DGCR2: variants seen among roughly 807,000 people sequenced by gnomAD.
DGCR2 encodes integral membrane protein DGCR2/IDD.
Under a neutral mutation model 51.6 loss-of-function variants are expected in DGCR2, and 24 were observed. The observed-to-expected ratio is 0.47, with a 90% CI of 0.34 to 0.65. The LOEUF is 0.65. Among genes scored for constraint, DGCR2 ranks in the 30% least tolerant of loss-of-function variants. DGCR2 has a pLI of 0.01. For missense variants in DGCR2, 765 were observed against 772.1 expected (o/e 0.99, Z 0.11); for synonymous variants, 340 against 315.4 (o/e 1.08, Z -0.82).
intron 6 of DGCR2, among the ~76,000 whole-genome samples, chr22:19,053,930 G>A (rs1295358180): frequency 6.6e-6 from 1 of 152,162 alleles, no homozygotes; most frequent in Non-Finnish European, 1.5e-5. Context: ...CCTTCAATGG[G>A]CTCATAAGCA....
intron 1 of DGCR2, among the ~76,000 whole-genome samples, chr22:19,090,051 T>C (rs932971807): frequency 1.3e-5 from 2 of 152,200 alleles, no homozygotes; most frequent in African/African-American, 4.8e-5. Flanking sequence ...TACCTAGAGA[T>C]AAAAACTGTA....
At chr22:19,117,105 A>G (rs1398574550) in intron 1 of DGCR2, among the ~76,000 whole-genome samples, 1 of 152,192 alleles carries the variant, frequency 6.6e-6, no homozygotes, top group Non-Finnish European at 1.5e-5. Context: ...CATTACTGCT[A>G]AGAGGATCTG....
intron 6 of DGCR2, among the ~76,000 whole-genome samples, chr22:19,055,499 G>A (rs939365070): frequency 6.6e-6 from 1 of 152,118 alleles, no homozygotes; most frequent in Non-Finnish European, 1.5e-5. Context: ...GGAGACTGTA[G>A]CAAGAAGAGT....
intron 1 of DGCR2, among the ~76,000 whole-genome samples, chr22:19,106,379 C>T (rs914593597): frequency 2.0e-5 from 3 of 152,202 alleles, no homozygotes; most frequent in Non-Finnish European, 2.9e-5. Flanking sequence ...GAACCATGGC[C>T]AGGGGTTCTG....
At chr22:19,054,842 C>A (rs2082584727) in intron 6 of DGCR2, among the ~76,000 whole-genome samples, 1 of 151,432 alleles carries the variant, frequency 6.6e-6, no homozygotes, top group Non-Finnish European at 1.5e-5. Flanking sequence ...GTGGCTCACA[C>A]CTATAATCCC....
Position 19,057,351 on chromosome 22 carries a change from G to C in DGCR2, c.626-189C>G, listed in dbSNP as rs998381216. ...CTCCTGGGAGTCACCCCAGGTGCTG[G>C]GCCTAGCGGGAGCCACTCCTTGGAG... is the stretch of plus-strand genomic sequence containing the variant. On this transcript the variant is annotated intron_variant, in intron 5 of 9. Coordinates refer to ENST00000263196, the MANE Select transcript of DGCR2 (RefSeq NM_005137.3). This position sits in a 1 kb window ranked among gnomAD's most constrained non-coding sequence, Gnocchi z 5.1. Among the ~76,000 whole-genome samples, 3 of 152,194 alleles carry C rather than the reference G, an allele frequency of 2.0e-5. No homozygotes were observed. The highest frequency in any genetic ancestry group is 6.5e-5 in the Admixed American group (1 of 15,288).
intron 2 of DGCR2, among the ~76,000 whole-genome samples, chr22:19,088,529 T>G (rs1252031827): frequency 6.6e-6 from 1 of 152,190 alleles, no homozygotes; most frequent in East Asian, 1.9e-4. Flanking sequence ...TAGTGATAAA[T>G]CAGGTTGGCA....
At chr22:19,080,903 G>C (rs909352837) in intron 2 of DGCR2, among the ~76,000 whole-genome samples, 3 of 152,184 alleles carry the variant, frequency 2.0e-5, no homozygotes, top group Non-Finnish European at 4.4e-5. Context: ...AAGTGAAGAA[G>C]GGAATGCGAG....
intron 2 of DGCR2, among the ~76,000 whole-genome samples, chr22:19,085,613 A>G (rs1042004084): frequency 6.6e-6 from 1 of 152,222 alleles, no homozygotes; most frequent in Admixed American, 6.5e-5. Flanking sequence ...CCCAGAAGGG[A>G]GTGAGTGGGA....
intron 1 of DGCR2, among the ~76,000 whole-genome samples, chr22:19,099,030 G>T (rs2083171453): frequency 1.3e-5 from 2 of 152,166 alleles, no homozygotes; most frequent in African/African-American, 2.4e-5. Flanking sequence ...AGTGTCAGAA[G>T]TTCTCCAATA....
chr22:19,091,402 A>G (rs2083076686), intron 1 of DGCR2, among the ~76,000 whole-genome samples: 1 of 152,200 alleles, frequency 6.6e-6, no homozygotes, highest in Non-Finnish European at 1.5e-5. Flanking sequence ...CACAAAGTAG[A>G]CTTCAGTGCA....
chr22:19,094,404 G>A (rs60510712), intron 1 of DGCR2, among the ~76,000 whole-genome samples: 9,833 of 152,184 alleles, frequency 0.065, 1,021 homozygotes, highest in African/African-American at 0.22. Context: ...CAGTCTGGGC[G>A]ACAGAATGAG....
At chr22:19,081,369 T>C (rs1366503794) in intron 2 of DGCR2, among the ~76,000 whole-genome samples, 1 of 152,240 alleles carries the variant, frequency 6.6e-6, no homozygotes, top group Non-Finnish European at 1.5e-5. Flanking sequence ...CTATAAGTAA[T>C]ATAACGATCT....
intron 5 of DGCR2, chr22:19,061,030 G>T (rs925465540): frequency 8.4e-6 from 2 of 238,414 alleles, no homozygotes; most frequent in Admixed American, 5.3e-5. Flanking sequence ...ATCTTAATGT[G>T]AGGCCCTTCC....
At chr22:19,065,725 A>AC (rs1176734615) in intron 3 of DGCR2, 1 of 153,008 alleles carries the variant, frequency 6.5e-6, no homozygotes, top group Admixed American at 6.5e-5. Flanking sequence ...CTACACCCAC[A>AC]CACGGGAATG....
intron 1 of DGCR2, among the ~76,000 whole-genome samples, chr22:19,103,154 T>C (rs1240029189): frequency 6.6e-6 from 1 of 151,960 alleles, no homozygotes; most frequent in African/African-American, 2.4e-5. Context: ...AAGGACAACA[T>C]ATTGTATGAT....
Position 19,087,146 on chromosome 22 carries a change from G to A in DGCR2, c.202+2222C>T, listed in dbSNP as rs190147695. On this transcript the variant is annotated intron_variant, in intron 2 of 9. Coordinates refer to ENST00000263196, the MANE Select transcript of DGCR2 (RefSeq NM_005137.3). ...ATAACCACATGGTCGTCCCCAGGCT[G>A]ACCAACCAGGGAACTTCAGCAGCCC... is the stretch of plus-strand genomic sequence containing the variant. 1.1e-4 allele frequency among the ~76,000 whole-genome samples: 17 copies of A among 152,238 alleles called. No homozygotes were observed. In the South Asian group the frequency reaches 2.5e-3, roughly 22 times the overall value.
At chr22:19,071,151 C>G (rs1337923107) in intron 2 of DGCR2, among the ~76,000 whole-genome samples, 2 of 152,220 alleles carry the variant, frequency 1.3e-5, no homozygotes, top group Non-Finnish European at 2.9e-5. Context: ...GTCACTGTAG[C>G]ACCCAGAGCC....
At position 19,038,921 on chromosome 22, in the gene DGCR2, C is replaced by T; in HGVS notation, c.1597G>A (p.Glu533Lys). The T allele has an allele frequency of 6.2e-7, 1 of 1,612,780 alleles. No individual in the cohort carries two copies. The highest frequency in any genetic ancestry group is 2.2e-5 in the East Asian group (1 of 44,882). Residue 533 changes from glutamate (E) to lysine (K), a missense_variant, in exon 10 of 10, where the codon GAG becomes AAG. Around this residue, in one of 3 missense-constraint regions of DGCR2, gnomAD observed 205 missense variants for 181.4 expected, o/e 1.13. Coordinates refer to ENST00000263196, the MANE Select transcript of DGCR2 (RefSeq NM_005137.3). ...TGGCGGCCACCCCCTGGCAGTGCCT[C>T]TGCAGCTGGGGTGCTCCCGCTCTGG... ...PAQSGSTPAA[E>K]ALPGGGRHSR...
Sources: allele counts gnomAD v4.1 joint callset (sites outside exome capture counted in the v4.1 genomes callset), GRCh38; gene constraint gnomAD v4.1.1; regional missense constraint gnomAD v4.1.1; non-coding constraint Gnocchi (gnomAD v3.1); transcripts MANE v1.5; gene names NCBI Gene and HGNC (gene_info 2026-07-23, HGNC 2026-07-21).